Variants in DMD observed in about 807,000 individuals in gnomAD.
The protein encoded by DMD is mutant dystrophin.
A neutral mutation model predicts 330.1 loss-of-function variants in DMD; 63 were observed. The observed-to-expected ratio is 0.19, with a 90% CI of 0.16 to 0.24. The LOEUF is 0.24. Among genes scored for constraint, DMD ranks in the 10% least tolerant of loss-of-function variants. DMD has a pLI of 1.00. For synonymous variants in DMD, 1,223 were observed against 959.8 expected, an observed-to-expected ratio of 1.27 and a Z score of -5.07; for missense variants, 3,344 against 2,684.1, an observed-to-expected ratio of 1.25 and a Z score of -5.43.
chrX:33,210,588 C>T (rs2051844806), intron 1 of DMD, among the ~76,000 whole-genome samples: 1 of 111,219 alleles, frequency 9.0e-6, no homozygotes, highest in Admixed American at 9.6e-5. Context: ...ATTAGGAGTT[C>T]CTCAAGTTTG....
At chrX:31,662,969 G>T (rs931664373) in intron 53 of DMD, among the ~76,000 whole-genome samples, 6 of 111,225 alleles carry the variant, frequency 5.4e-5, no homozygotes, top group African/African-American at 2.0e-4. Context: ...CCACCAAGAG[G>T]TCGTTTGCTC....
At chrX:31,559,360 C>CTCTGGTTCCAGTGTAAATTCTTTGAT (rs2075042729) in intron 55 of DMD, among the ~76,000 whole-genome samples, 12 of 99,425 alleles carry the variant, frequency 1.2e-4, no homozygotes, top group African/African-American at 3.7e-4. Context: ...GACTTCTTGG[C>CTCTGGTTCCAGTGTAAATTCTTTGAT]TGCCGGGCGC....
intron 52 of DMD, among the ~76,000 whole-genome samples, chrX:31,685,636 T>C (rs1207256054): frequency 8.9e-6 from 1 of 112,389 alleles, no homozygotes; most frequent in Non-Finnish European, 1.9e-5. Flanking sequence ...TCAGGGCCCA[T>C]CTATCTGCCG....
chrX:32,350,217 G>T (rs758903935), intron 37 of DMD, among the ~76,000 whole-genome samples: 15 of 110,740 alleles, frequency 1.4e-4, no homozygotes, highest in Non-Finnish European at 2.3e-4. Flanking sequence ...ATCTCTCCAT[G>T]AATTTAACTT....
At chrX:33,161,525 A>T (rs144793370) in intron 1 of DMD, among the ~76,000 whole-genome samples, 2,367 of 111,707 alleles carry the variant, frequency 0.021, 44 homozygotes, top group African/African-American at 0.072. Context: ...GAAAGGTTAA[A>T]CAACACAACC....
chrX:32,474,208 T>TACATACACACAC (rs778108572), intron 21 of DMD, among the ~76,000 whole-genome samples: 1 of 41,285 alleles, frequency 2.4e-5, no homozygotes, highest in African/African-American at 4.5e-5. Flanking sequence ...CATACATACA[T>TACATACACACAC]ACACACACAC....
intron 42 of DMD, among the ~76,000 whole-genome samples, chrX:32,307,699 C>T (rs771917046): frequency 9.0e-6 from 1 of 111,490 alleles, no homozygotes; most frequent in Non-Finnish European, 1.9e-5. Context: ...CAGAGAAAAC[C>T]TTTTGGTAAT....
intron 13 of DMD, among the ~76,000 whole-genome samples, chrX:32,585,571 G>A (rs954988862): frequency 1.9e-5 from 2 of 106,570 alleles, no homozygotes; most frequent in Non-Finnish European, 3.9e-5. Flanking sequence ...GTGGTGGCAG[G>A]CGCCTGCAGT....
chrX:32,695,128 T>C (rs1468131132), intron 9 of DMD, among the ~76,000 whole-genome samples: 1 of 112,440 alleles, frequency 8.9e-6, no homozygotes, highest in East Asian at 2.8e-4. Context: ...AATAATCAAA[T>C]GTATGAATAC....
At position 32,554,945 on chromosome X, in the gene DMD, G is replaced by T. The variant is rs943676589; in HGVS notation, c.1993-9611C>A. ...AGAAAGAAAGAAAGAAAGAAAGAGA[G>T]AGAGAGGGAGAGAGAAAGAAAGAGA... On this transcript the variant is annotated intron_variant, in intron 16 of 78. Coordinates refer to ENST00000357033, the MANE Select transcript of DMD (RefSeq NM_004006.3). Among the ~76,000 whole-genome samples the T allele has an allele frequency of 4.9e-4, 47 of 95,135 alleles. 1 individual carries two copies. Among genetic ancestry groups the T allele is most frequent in the African/African-American group, 1.8e-3 (47 of 25,548 alleles). The allele number at this position is 95,135 out of a possible 115,157, so 82.6% of individuals were successfully genotyped here.
At chrX:32,105,498 T>C (rs1368125472) in intron 44 of DMD, among the ~76,000 whole-genome samples, 1 of 112,225 alleles carries the variant, frequency 8.9e-6, no homozygotes, top group Non-Finnish European at 1.9e-5. Context: ...TTGAGTTATT[T>C]CACATACACA....
rs1603632334 is a variant in DMD, at chrX:32,390,333, T to C, written c.4234-152A>G. 3 of 481,796 alleles carry C rather than the reference T, an allele frequency of 6.2e-6. No individual in the cohort carries two copies. The East Asian group carries it at 1.1e-4, about 18-fold the overall frequency. 39.7% of individuals were successfully genotyped at this position (481,796 alleles called of 1,213,427 possible). A position where few individuals can be genotyped will look rare whatever the true frequency, so the allele number is the denominator to read the frequency against. On this transcript the variant is annotated intron_variant, in intron 30 of 78. Coordinates refer to ENST00000357033, the MANE Select transcript of DMD (RefSeq NM_004006.3). ...TTGGCCAAGAGTGGTGGTTCACACC[T>C]GTAATCCTAGCACTTTGGGAGGTCG...
chrX:32,449,638 C>G (rs2098321839), intron 26 of DMD, among the ~76,000 whole-genome samples: 1 of 107,771 alleles, frequency 9.3e-6, no homozygotes, highest in African/African-American at 3.4e-5. Context: ...GTGTATTCTC[C>G]CTCATTGCAA....
At chrX:31,372,910 A>T (rs1477597507) in intron 60 of DMD, among the ~76,000 whole-genome samples, 1 of 111,247 alleles carries the variant, frequency 9.0e-6, no homozygotes, top group African/African-American at 3.3e-5. Flanking sequence ...ACATGATTGT[A>T]TATCTAGAAA....
intron 1 of DMD, among the ~76,000 whole-genome samples, chrX:33,196,300 A>G (rs1292881233): frequency 9.0e-6 from 1 of 111,343 alleles, no homozygotes; most frequent in African/African-American, 3.3e-5. Context: ...CTGGTGGGGA[A>G]CAGCAGATCA....
chrX:31,726,020 C>A (rs1400838132), intron 52 of DMD, among the ~76,000 whole-genome samples: 1 of 111,792 alleles, frequency 8.9e-6, no homozygotes, highest in African/African-American at 3.3e-5. Context: ...AGCCCTTTTG[C>A]AGAAGAAAAT....
At chrX:32,823,005 A>T (rs2078401712) in intron 5 of DMD, among the ~76,000 whole-genome samples, 2 of 111,928 alleles carry the variant, frequency 1.8e-5, no homozygotes, top group African/African-American at 3.2e-5. Flanking sequence ...TATAGAACAT[A>T]CATTTGTGAA....
At chrX:31,997,600 A>C (rs1228726712) in intron 44 of DMD, among the ~76,000 whole-genome samples, 1 of 110,515 alleles carries the variant, frequency 9.0e-6, no homozygotes, top group Non-Finnish European at 1.9e-5. Flanking sequence ...TTCTAGAATA[A>C]AGATTTGTGC....
At chrX:31,679,032 A>G (rs2082234599) in intron 53 of DMD, among the ~76,000 whole-genome samples, 1 of 110,913 alleles carries the variant, frequency 9.0e-6, no homozygotes, top group Admixed American at 9.6e-5. Flanking sequence ...AGAGTTCAAG[A>G]ACCCATCTCT....
Sources: gnomAD v4.1 joint callset for allele counts (sites outside exome capture counted in the v4.1 genomes callset) on GRCh38, gnomAD v4.1.1 for gene constraint, MANE v1.5 for transcripts, NCBI Gene and HGNC (gene_info 2026-07-23, HGNC 2026-07-21) for gene names.